The following VAV3 variants were observed in gnomAD, a reference collection of about 807,000 sequenced individuals.
VAV3 encodes the protein vav guanine nucleotide exchange factor 3.
In VAV3, 94 loss-of-function variants were observed where a neutral mutation model predicts 131.2. The observed-to-expected ratio is 0.72, with a 90% confidence interval of 0.61 to 0.85. The LOEUF (loss-of-function observed/expected upper bound fraction) is 0.85. Ranked by LOEUF, VAV3 falls within the 40% of genes least tolerant of loss-of-function variation. The probability of loss-of-function intolerance (pLI) is 0.00; values close to 1 mark genes in which losing one functional copy is unlikely to be tolerated. For missense variants in VAV3, 939 were observed against 1,002.7 expected, an observed-to-expected ratio of 0.94 and a Z score of 0.86; for synonymous variants, 349 against 342.0, an observed-to-expected ratio of 1.02 and a Z score of -0.22.
chr1:107,772,976 TTTACA>T, intron 4 of VAV3, 133 bp from the exon 5 acceptor site: 1 of 727,084 alleles, frequency 1.4e-6, no homozygotes, highest in Non-Finnish European at 2.2e-6. Flanking sequence ...GTTCAAAAGG[TTTACA>T]TTACAACTTT....
At chr1:107,803,667 A>T (rs1209907225) in intron 2 of VAV3, among the ~76,000 whole-genome samples, 1 of 152,122 alleles carries the variant, frequency 6.6e-6, no homozygotes, top group Non-Finnish European at 1.5e-5. Context: ...CTGGCCTAAG[A>T]TACGGTGCAT....
intron 2 of VAV3, among the ~76,000 whole-genome samples, chr1:107,848,298 G>C (rs1669062823): frequency 7.4e-6 from 1 of 135,506 alleles, no homozygotes; most frequent in African/African-American, 2.8e-5. Context: ...GGGCAACAGA[G>C]CAAGACTCCG....
intron 1 of VAV3, among the ~76,000 whole-genome samples, chr1:107,882,836 T>C (rs1360934287): frequency 6.6e-6 from 1 of 152,186 alleles, no homozygotes; most frequent in Non-Finnish European, 1.5e-5. Context: ...ATAAGTATGC[T>C]ACATGTGGTA....
At chr1:107,574,390 T>C (rs1210973751) in intron 25 of VAV3, among the ~76,000 whole-genome samples, 192 bp from the exon 26 acceptor site, 1 of 152,232 alleles carries the variant, frequency 6.6e-6, no homozygotes, top group Non-Finnish European at 1.5e-5. Flanking sequence ...CAAATTCGCT[T>C]CATAAGTTTA....
At chr1:107,853,404 A>C (rs768149068) in intron 2 of VAV3, among the ~76,000 whole-genome samples, 9 of 152,166 alleles carry the variant, frequency 5.9e-5, no homozygotes, top group Non-Finnish European at 1.2e-4. Context: ...AACTTTCAAC[A>C]CTATATTTTC....
chr1:107,931,450 A>G (rs1673435114), intron 1 of VAV3, among the ~76,000 whole-genome samples: 1 of 152,334 alleles, frequency 6.6e-6, no homozygotes, highest in East Asian at 1.9e-4. Context: ...TAAAGAATAA[A>G]GGGGTATAGT....
At chr1:107,745,636 T>C (rs1387285872) in intron 15 of VAV3, among the ~76,000 whole-genome samples, 1 of 152,162 alleles carries the variant, frequency 6.6e-6, no homozygotes, top group South Asian at 2.1e-4. Context: ...TGTTCATGCT[T>C]TTCCATGGCC....
In VAV3 at chr1:107,777,392, T is replaced by G. The variant is rs548488979; in HGVS notation, c.381-96A>C. 4.5e-4 allele frequency: 500 copies of G among 1,108,634 alleles called. 5 individuals carry two copies. Among genetic ancestry groups the G allele is most frequent in the Admixed American group, 1.4e-4 (7 of 49,796 alleles). 68.7% of individuals were successfully genotyped at this position (1,108,634 alleles called of 1,614,324 possible). On this transcript the variant is annotated intron_variant, in intron 3 of 26. Transcript: ENST00000370056. ...ACTTAACCCTCACTAAATATGTAAG[T>G]TGTCTGCTGCCAAAATGGTCAGATC...
intron 15 of VAV3, among the ~76,000 whole-genome samples, chr1:107,712,406 C>T (rs114674657): frequency 1.7e-3 from 265 of 152,242 alleles, no homozygotes; most frequent in African/African-American, 6.1e-3. Context: ...ATGTGTGGCC[C>T]AATACAAATT....
chr1:107,662,515 T>C (rs1232489830), intron 19 of VAV3, among the ~76,000 whole-genome samples: 1 of 152,212 alleles, frequency 6.6e-6, no homozygotes, highest in Non-Finnish European at 1.5e-5. Flanking sequence ...GCTGCTGTTT[T>C]TCAATGATCA....
At chr1:107,865,959 C>T (rs1669966419) in intron 2 of VAV3, among the ~76,000 whole-genome samples, 2 of 152,056 alleles carry the variant, frequency 1.3e-5, no homozygotes, top group Admixed American at 1.3e-4. Flanking sequence ...AGGGGCACTC[C>T]ACCAGAAAAA....
intron 19 of VAV3, among the ~76,000 whole-genome samples, chr1:107,654,756 C>G (rs1305790319): frequency 6.6e-6 from 1 of 152,000 alleles, no homozygotes; most frequent in South Asian, 2.1e-4. Flanking sequence ...GCATAACAAG[C>G]TACTCAAACA....
chr1:107,896,012 A>C (rs934352539), intron 1 of VAV3, among the ~76,000 whole-genome samples: 2 of 152,132 alleles, frequency 1.3e-5, no homozygotes, highest in African/African-American at 2.4e-5. Flanking sequence ...TTCAGCTTGG[A>C]CTTCTTGCAG....
intron 2 of VAV3, among the ~76,000 whole-genome samples, chr1:107,852,000 C>T (rs1669253529): frequency 6.6e-6 from 1 of 151,794 alleles, no homozygotes; most frequent in Non-Finnish European, 1.5e-5. Context: ...AATCTGTAAT[C>T]CTCATTGAGG....
chr1:107,667,952 A>G (rs1657527316), intron 19 of VAV3, among the ~76,000 whole-genome samples: 1 of 152,114 alleles, frequency 6.6e-6, no homozygotes, highest in Admixed American at 6.6e-5. Flanking sequence ...CCTTTGCCCA[A>G]CTGGGCCCTT....
chr1:107,680,421 A>G (rs1658520183), intron 19 of VAV3, among the ~76,000 whole-genome samples: 1 of 152,188 alleles, frequency 6.6e-6, no homozygotes, highest in East Asian at 1.9e-4. Context: ...TCACATGACA[A>G]AAAGTCCAAT....
chr1:107,962,331 G>A (rs1057104956), intron 1 of VAV3, among the ~76,000 whole-genome samples: 10 of 150,298 alleles, frequency 6.7e-5, no homozygotes, highest in South Asian at 2.1e-4. Flanking sequence ...AGTAGTTAGC[G>A]GCAAAATGTC....
intron 1 of VAV3, among the ~76,000 whole-genome samples, chr1:107,882,743 G>A (rs1424755713): frequency 1.3e-5 from 2 of 151,968 alleles, no homozygotes; most frequent in African/African-American, 2.4e-5. Context: ...CTTTTCCCCC[G>A]TGTATCAGTG....
intron 25 of VAV3, among the ~76,000 whole-genome samples, chr1:107,590,674 T>C (rs1436520689): frequency 6.6e-6 from 1 of 152,208 alleles, no homozygotes; most frequent in Admixed American, 6.5e-5. Context: ...GGATTGTTAA[T>C]GGTTTTATCA....
Sources: gnomAD v4.1 joint callset for allele counts (sites outside exome capture counted in the v4.1 genomes callset) on GRCh38, gnomAD v4.1.1 for gene constraint, MANE v1.5 for transcripts, NCBI Gene and HGNC (gene_info 2026-07-23, HGNC 2026-07-21) for gene names.